The following NAT1 variants were observed in gnomAD, a reference collection of about 807,000 sequenced individuals.
NAT1 encodes the protein arylamine N-acetyltransferase 1.
For missense variants in NAT1, 400 were observed against 339.2 expected, an observed-to-expected ratio of 1.18 and a Z score of -1.41; for synonymous variants, 144 against 122.6, an observed-to-expected ratio of 1.17 and a Z score of -1.16.
At chr8:18,181,965 T>C (rs925565225) in intron 2 of NAT1, among the ~76,000 whole-genome samples, 1 of 152,156 alleles carries the variant, frequency 6.6e-6, no homozygotes, top group African/African-American at 2.4e-5. Flanking sequence ...TGTTGCACCG[T>C]GGCAGGCCTG....
chr8:18,191,561 T>C (rs1589071564), intron 2 of NAT1, among the ~76,000 whole-genome samples: 1 of 152,068 alleles, frequency 6.6e-6, no homozygotes, highest in African/African-American at 2.4e-5. Context: ...AGAACAAAGC[T>C]GGAGGCATCA....
chr8:18,221,883 A>T, intron 2 of NAT1, 159 bp from the exon 3 acceptor site: 1 of 711,088 alleles, frequency 1.4e-6, no homozygotes, highest in South Asian at 2.3e-5. Flanking sequence ...AACTGAACTT[A>T]TGTGTGTAAA....
chr8:18,217,104 G>A (rs1804753553), intron 1 of NAT1: 2 of 724,546 alleles, frequency 2.8e-6, no homozygotes, highest in South Asian at 1.9e-5. Flanking sequence ...TCCTTTATTT[G>A]TTATATAACT....
At chr8:18,182,745 T>C (rs1802570176) in intron 2 of NAT1, among the ~76,000 whole-genome samples, 3 of 152,348 alleles carry the variant, frequency 2.0e-5, no homozygotes, top group South Asian at 4.1e-4. Context: ...TTAATATTCA[T>C]GTTAAAATTA....
At chr8:18,185,480 G>T (rs546120141) in intron 2 of NAT1, among the ~76,000 whole-genome samples, 2 of 152,018 alleles carry the variant, frequency 1.3e-5, no homozygotes, top group Non-Finnish European at 2.9e-5. Flanking sequence ...TACTGCTTCT[G>T]AGTCTGTGAC....
At chr8:18,182,518 G>A (rs1440638332) in intron 2 of NAT1, among the ~76,000 whole-genome samples, 3 of 152,176 alleles carry the variant, frequency 2.0e-5, no homozygotes, top group African/African-American at 4.8e-5. Context: ...AGATTGCTTC[G>A]TTTTTAAAAA....
chr8:18,209,259 G>C (rs1803874182), upstream of NAT1, among the ~76,000 whole-genome samples: 1 of 152,232 alleles, frequency 6.6e-6, no homozygotes, highest in Admixed American at 6.5e-5. Context: ...GAGTTCACGT[G>C]GCAGGACGCC....
At chr8:18,215,878 TAGG>T (rs1444794079) in intron 1 of NAT1, among the ~76,000 whole-genome samples, 1 of 152,196 alleles carries the variant, frequency 6.6e-6, no homozygotes, top group Non-Finnish European at 1.5e-5. Context: ...TCAATCATTT[TAGG>T]AGATTTATTT....
chr8:18,184,256 A>T (rs1404032214), intron 2 of NAT1, among the ~76,000 whole-genome samples: 1 of 152,176 alleles, frequency 6.6e-6, no homozygotes, highest in African/African-American at 2.4e-5. Context: ...AAGGTTTACA[A>T]TCTGCCTTCT....
intron 2 of NAT1, among the ~76,000 whole-genome samples, chr8:18,202,659 G>T (rs1042126210): frequency 2.6e-5 from 4 of 151,958 alleles, no homozygotes; most frequent in African/African-American, 9.7e-5. Context: ...TGGTGCGTCC[G>T]GAGTTGTTTG....
At chr8:18,220,188 GA>G (rs1805139369) in intron 2 of NAT1, among the ~76,000 whole-genome samples, 2 of 152,258 alleles carry the variant, frequency 1.3e-5, no homozygotes, top group South Asian at 4.1e-4. Flanking sequence ...CAAATGTTAC[GA>G]AAGGGTGCTG....
intron 1 of NAT1, among the ~76,000 whole-genome samples, chr8:18,216,250 G>C (rs1386539783): frequency 6.6e-6 from 1 of 152,078 alleles, no homozygotes; most frequent in Non-Finnish European, 1.5e-5. Context: ...CAAACGTTTT[G>C]GTTTTAGAGT....
intron 2 of NAT1, among the ~76,000 whole-genome samples, chr8:18,186,291 T>C (rs910356387): frequency 1.3e-5 from 2 of 152,212 alleles, no homozygotes; most frequent in Non-Finnish European, 2.9e-5. Context: ...TGTATGATTG[T>C]ACATCTAGAA....
intron 2 of NAT1, among the ~76,000 whole-genome samples, chr8:18,189,430 A>T (rs1802890310): frequency 6.6e-6 from 1 of 152,178 alleles, no homozygotes; most frequent in Non-Finnish European, 1.5e-5. Context: ...TGGGGGAGGC[A>T]TATCAGATAA....
chr8:18,208,293 C>G (rs1189751332), upstream of NAT1, among the ~76,000 whole-genome samples: 1 of 150,650 alleles, frequency 6.6e-6, no homozygotes. Flanking sequence ...TAAACAGAAA[C>G]AGAAACAAAA....
chr8:18,184,297 A>G (rs1428383147), intron 2 of NAT1, among the ~76,000 whole-genome samples: 1 of 152,178 alleles, frequency 6.6e-6, no homozygotes, highest in Non-Finnish European at 1.5e-5. Flanking sequence ...GGAGAGTTGC[A>G]TTAGAATGCA....
chr8:18,214,060 G>A lies in NAT1; in HGVS notation c.-86+3880G>A, dbSNP rs1364195934. On this transcript the variant is annotated intron_variant, in intron 1 of 2. Coordinates refer to ENST00000307719, the MANE Select transcript of NAT1 (RefSeq NM_000662.8). ...GATCTCCTGACCTCGTGATCCGCCCGCCTCGGCTTCCCAAAGTGCTGGGAT... is the reference window on the plus strand; with the variant it reads ...GATCTCCTGACCTCGTGATCCGCCCACCTCGGCTTCCCAAAGTGCTGGGAT... Among the ~76,000 whole-genome samples, 8 of 152,116 alleles carry A rather than the reference G, an allele frequency of 5.3e-5. No homozygotes were observed. In the East Asian group the frequency reaches 5.8e-4, roughly 11 times the overall value.
chr8:18,184,507 T>G (rs1278161447), intron 2 of NAT1, among the ~76,000 whole-genome samples: 1 of 152,212 alleles, frequency 6.6e-6, no homozygotes, highest in Non-Finnish European at 1.5e-5. Context: ...CTTTTATCCA[T>G]TTAATCTACA....
intron 2 of NAT1, among the ~76,000 whole-genome samples, chr8:18,174,639 G>T (rs1348285370): frequency 6.6e-6 from 1 of 152,034 alleles, no homozygotes; most frequent in Non-Finnish European, 1.5e-5. Context: ...CAGCTTTAGA[G>T]GGCGGTTATT....
Sources: gnomAD v4.1 joint callset for allele counts (sites outside exome capture counted in the v4.1 genomes callset) on GRCh38, gnomAD v4.1.1 for gene constraint, MANE v1.5 for transcripts, NCBI Gene and HGNC (gene_info 2026-07-23, HGNC 2026-07-21) for gene names.